Variants in ZNF407 observed in about 807,000 individuals in gnomAD.
ZNF407 encodes the protein zinc finger protein 407.
Under a neutral mutation model 131.2 loss-of-function variants are expected in ZNF407, and 17 were observed. The ratio of observed to expected loss-of-function variants is 0.13; its 90% CI spans 0.09 to 0.19. ZNF407 has a LOEUF of 0.19. Ranked by LOEUF, ZNF407 falls within the 10% of genes least tolerant of loss-of-function variation. ZNF407 has a pLI of 1.00. For synonymous variants in ZNF407, 1,156 were observed against 1,062.0 expected (o/e 1.09, Z -1.72); for missense variants, 2,681 against 2,830.6 (o/e 0.95, Z 1.20).
intron 8 of ZNF407, among the ~76,000 whole-genome samples, chr18:74,991,889 C>T (rs1382015083): frequency 6.6e-6 from 1 of 152,190 alleles, no homozygotes; most frequent in African/African-American, 2.4e-5. Flanking sequence ...AATAATAGGT[C>T]CAAAACTTAC....
intron 4 of ZNF407, among the ~76,000 whole-genome samples, chr18:74,840,308 A>G (rs1432193948): frequency 6.6e-6 from 1 of 151,730 alleles, no homozygotes; most frequent in Admixed American, 6.6e-5. Flanking sequence ...GGTCTTACCC[A>G]GTGCTGTGGC....
At chr18:74,655,726 T>C (rs1019980024) in intron 3 of ZNF407, among the ~76,000 whole-genome samples, 1 of 152,182 alleles carries the variant, frequency 6.6e-6, no homozygotes, top group Admixed American at 6.6e-5. Flanking sequence ...TGGGTGTGAG[T>C]GCACACACAT....
chr18:74,883,125 T>C (rs751745821), intron 6 of ZNF407, among the ~76,000 whole-genome samples: 5 of 152,214 alleles, frequency 3.3e-5, no homozygotes, highest in Non-Finnish European at 4.4e-5. Flanking sequence ...CTTATTACTT[T>C]GCTATTAACT....
chr18:74,763,967 C>T (rs1397189360), intron 3 of ZNF407, among the ~76,000 whole-genome samples: 2 of 152,002 alleles, frequency 1.3e-5, no homozygotes, highest in Non-Finnish European at 2.9e-5. Flanking sequence ...CCCGCCTCGG[C>T]CTCCCAAAGT....
At chr18:74,736,817 AT>A (rs1968425412) in intron 3 of ZNF407, among the ~76,000 whole-genome samples, 1 of 152,154 alleles carries the variant, frequency 6.6e-6, no homozygotes, top group African/African-American at 2.4e-5. Flanking sequence ...AAACGTTCTC[AT>A]TTATGGTCTC....
chr18:74,948,767 G>A (rs1322538201), intron 8 of ZNF407, among the ~76,000 whole-genome samples: 1 of 152,178 alleles, frequency 6.6e-6, no homozygotes, highest in African/African-American at 2.4e-5. Flanking sequence ...AGAATGCTAT[G>A]TAAAAATACA....
At chr18:74,685,862 A>AT (rs1408882153) in intron 3 of ZNF407, among the ~76,000 whole-genome samples, 12 of 151,866 alleles carry the variant, frequency 7.9e-5, no homozygotes, top group Non-Finnish European at 1.5e-4. Context: ...CATGGCATTG[A>AT]TTTTCTAATA....
rs572376268 is a variant in ZNF407 at position 74,748,790 on chromosome 18, GT to G, written c.4803-32634del. ...TATTAAGTATGGGAATTTCATGGCAGTTTTACCTGTTGTGGACCCTGTTATG... is the reference window on the plus strand; with the variant it reads ...TATTAAGTATGGGAATTTCATGGCAGTTTACCTGTTGTGGACCCTGTTATG... On this transcript the variant is annotated intron_variant, in intron 3 of 8. Coordinates refer to ENST00000299687, the MANE Select transcript of ZNF407 (RefSeq NM_017757.3). Among the ~76,000 whole-genome samples, 190 of 152,278 alleles carry G rather than the reference GT, an allele frequency of 1.2e-3. 2 individuals are homozygous for G. Among genetic ancestry groups the G allele is most frequent in the South Asian group, 3.5e-3 (17 of 4,822 alleles).
At chr18:74,990,182 T>TA (rs1399295191) in intron 8 of ZNF407, among the ~76,000 whole-genome samples, 1 of 152,136 alleles carries the variant, frequency 6.6e-6, no homozygotes, top group African/African-American at 2.4e-5. Context: ...GTACTCGGGG[T>TA]AATAGAATAT....
At chr18:74,879,817 G>T (rs190563395) in intron 5 of ZNF407, among the ~76,000 whole-genome samples, 1 of 152,260 alleles carries the variant, frequency 6.6e-6, no homozygotes, top group East Asian at 1.9e-4. Flanking sequence ...TTCGTTGAAA[G>T]TAGAAAAGCC....
intron 7 of ZNF407, among the ~76,000 whole-genome samples, chr18:74,895,636 T>A (rs1481661933): frequency 6.6e-6 from 1 of 152,222 alleles, no homozygotes; most frequent in Non-Finnish European, 1.5e-5. Context: ...CTAAAATATC[T>A]CAGTTATAAA....
chr18:74,939,701 A>G (rs941168556), intron 8 of ZNF407, among the ~76,000 whole-genome samples: 1 of 152,242 alleles, frequency 6.6e-6, no homozygotes, highest in Admixed American at 6.5e-5. Flanking sequence ...ATTAAGTGCA[A>G]GCTTTTCTAT....
intron 4 of ZNF407, among the ~76,000 whole-genome samples, chr18:74,781,729 G>T (rs979067686): frequency 6.6e-6 from 1 of 152,050 alleles, no homozygotes; most frequent in Non-Finnish European, 1.5e-5. Context: ...GGAGGACTTT[G>T]AATTTGTGAA....
chr18:74,629,679 C>T (rs776444268), intron 1 of ZNF407, among the ~76,000 whole-genome samples: 3 of 152,168 alleles, frequency 2.0e-5, no homozygotes, highest in East Asian at 3.9e-4. Context: ...GATTTGTCAA[C>T]GTTATGGAAA....
chr18:74,893,191 G>T (rs999428131), intron 7 of ZNF407, among the ~76,000 whole-genome samples: 6 of 152,178 alleles, frequency 3.9e-5, no homozygotes, highest in Admixed American at 6.5e-5. Flanking sequence ...CTACATTTAA[G>T]AGGATGGTGT....
chr18:74,673,525 C>T lies in ZNF407; in HGVS notation c.4802+32403C>T, dbSNP rs146881735. ...AGAAGAGCAAGATCCTTAATTTAAT[C>T]GCCTCTGCAGAATCCCTTTTGTGTG... On this transcript the variant is annotated intron_variant, in intron 3 of 8. Transcript: ENST00000299687. Among the ~76,000 whole-genome samples, 748 of 152,278 alleles carry T rather than the reference C, an allele frequency of 4.9e-3. 4 individuals are homozygous for T. Among genetic ancestry groups the T allele is most frequent in the Non-Finnish European group, 8.4e-3 (574 of 68,028 alleles).
In ZNF407 at chr18:74,632,714, T is replaced by C. The variant is rs1984188493; in HGVS notation, c.1695T>C (p.Ser565=). Residue 565 remains serine, a synonymous_variant, in exon 2 of 9, where the codon TCT becomes TCC. Transcript: ENST00000299687. ...TTTACTGCCGTACTTGTGACTTCTCTAGTATGTCAAGAAGGGACTTAGATG... is the reference window on the plus strand; with the variant it reads ...TTTACTGCCGTACTTGTGACTTCTCCAGTATGTCAAGAAGGGACTTAGATG... ...MKFYCRTCDF[S]SMSRRDLDEH... 3 of 1,614,048 alleles carry C rather than the reference T, an allele frequency of 1.9e-6. No homozygotes were observed. The East Asian group carries it at 6.7e-5, about 36-fold the overall frequency.
chr18:74,669,130 C>G (rs968290237), intron 3 of ZNF407, among the ~76,000 whole-genome samples: 1 of 152,176 alleles, frequency 6.6e-6, no homozygotes, highest in African/African-American at 2.4e-5. Context: ...ATCCACAGTT[C>G]TCACTGACCT....
At chr18:75,052,651 G>A (rs1353667309) in intron 8 of ZNF407, among the ~76,000 whole-genome samples, 1 of 152,208 alleles carries the variant, frequency 6.6e-6, no homozygotes, top group Non-Finnish European at 1.5e-5. Flanking sequence ...GTGGACTCAG[G>A]CGTCAGCCGC....
Sources: gnomAD v4.1 joint callset for allele counts (sites outside exome capture counted in the v4.1 genomes callset) on GRCh38, gnomAD v4.1.1 for gene constraint, MANE v1.5 for transcripts, NCBI Gene and HGNC (gene_info 2026-07-23, HGNC 2026-07-21) for gene names.